AGPS: variants seen among roughly 807,000 people sequenced by gnomAD.
The protein encoded by AGPS is alkylglycerone phosphate synthase.
A neutral mutation model predicts 90.7 loss-of-function variants in AGPS; 26 were observed. The ratio of observed to expected loss-of-function variants is 0.29; its 90% CI spans 0.21 to 0.40. The LOEUF (loss-of-function observed/expected upper bound fraction) is 0.40. AGPS is among the 10% of genes least tolerant of loss of function. The pLI, the probability that AGPS is intolerant of heterozygous loss-of-function variation, is 1.00. For synonymous variants in AGPS, 294 were observed against 285.3 expected (o/e 1.03, Z -0.31); for missense variants, 540 against 816.1 (o/e 0.66, Z 4.12).
chr2:177,539,103 G>A lies in AGPS; in HGVS notation c.*908G>A, dbSNP rs1339476855. 6.6e-6 allele frequency: 1 copy of A among 151,974 alleles called. No individual in the cohort carries two copies. Among genetic ancestry groups the A allele is most frequent in the South Asian group, 2.1e-4 (1 of 4,834 alleles). The allele number at this position is 151,974 out of a possible 1,614,324, so 9.4% of individuals were successfully genotyped here. On this transcript the variant is annotated 3_prime_UTR_variant, in exon 20 of 20. Transcript: ENST00000264167. ...CTTAATGTCTCCAATTGCAAGAATT[G>A]TTTCACTAAAGAAACAGTCATCATT...
In AGPS at chr2:177,533,314, A is replaced by G. The variant is rs994411762; in HGVS notation, c.1856-4760A>G. ...AAACTATTAATATTTCAGCTGTAGCATAGGTTAAACAGATTTGAGAGCTGA... is the reference window on the plus strand; with the variant it reads ...AAACTATTAATATTTCAGCTGTAGCGTAGGTTAAACAGATTTGAGAGCTGA... On this transcript the variant is annotated intron_variant, in intron 19 of 19. Coordinates refer to ENST00000264167, the MANE Select transcript of AGPS (RefSeq NM_003659.4). Among the ~76,000 whole-genome samples the G allele has an allele frequency of 5.3e-5, 8 of 152,210 alleles. No individual in the cohort carries two copies. The East Asian group carries it at 1.5e-3, about 29-fold the overall frequency.
chr2:177,522,486 G>T (rs1689225939), intron 18 of AGPS, among the ~76,000 whole-genome samples: 1 of 152,176 alleles, frequency 6.6e-6, no homozygotes, highest in African/African-American at 2.4e-5. Flanking sequence ...GTCTCACTCT[G>T]TTGCCCAGGC....
chr2:177,535,009 G>C (rs1258614632), intron 19 of AGPS, among the ~76,000 whole-genome samples: 1 of 152,008 alleles, frequency 6.6e-6, no homozygotes, highest in African/African-American at 2.4e-5. Flanking sequence ...GAGAATTATG[G>C]AATGCAAGGT....
At chr2:177,472,585 A>C (rs1687660918) in intron 10 of AGPS, among the ~76,000 whole-genome samples, 1 of 151,622 alleles carries the variant, frequency 6.6e-6, no homozygotes, top group South Asian at 2.1e-4. Context: ...GCGTTTTCTG[A>C]CTTTTGTAGT....
chr2:177,392,852 T>C lies in AGPS; in HGVS notation c.63T>C (p.Ser21=). Residue 21 remains serine, a synonymous_variant, in exon 1 of 20, where the codon TCT becomes TCC. Coordinates refer to ENST00000264167, the MANE Select transcript of AGPS (RefSeq NM_003659.4). ...TGGGCGCGGGCGCGAGCTACGGGTC[T>C]GCAGCGGACCGGGACCGGGACCCGG... is the stretch of plus-strand genomic sequence containing the variant. The part of the protein sequence containing the change: ...TGLGAGASYG[S]AADRDRDPDP... 1 of 1,553,638 alleles carries C rather than the reference T, an allele frequency of 6.4e-7. No individual in the cohort carries two copies. Among genetic ancestry groups the C allele is most frequent in the Non-Finnish European group, 8.7e-7 (1 of 1,153,812 alleles).
intron 19 of AGPS, among the ~76,000 whole-genome samples, chr2:177,528,718 T>C (rs185090908): frequency 1.3e-3 from 202 of 152,326 alleles, no homozygotes; most frequent in Non-Finnish European, 2.0e-3. Flanking sequence ...CTGGCTGCTC[T>C]ACATAGTTCA....
chr2:177,475,309 A>G (rs1687748379), intron 10 of AGPS, among the ~76,000 whole-genome samples: 1 of 152,198 alleles, frequency 6.6e-6, no homozygotes, highest in Non-Finnish European at 1.5e-5. Context: ...TTGGTGAGAA[A>G]GAGTAGGTGT....
chr2:177,470,865 C>T (rs1687597613), intron 10 of AGPS, among the ~76,000 whole-genome samples: 1 of 151,984 alleles, frequency 6.6e-6, no homozygotes, highest in African/African-American at 2.4e-5. Context: ...GATTTCCATC[C>T]TGATTCTACT....
At chr2:177,439,960 C>T (rs772066848) in intron 5 of AGPS, among the ~76,000 whole-genome samples, 3 of 152,038 alleles carry the variant, frequency 2.0e-5, no homozygotes, top group Non-Finnish European at 2.9e-5. Context: ...ATAACTTTTA[C>T]AAGCATAAAG....
chr2:177,440,642 T>A (rs920460568), intron 5 of AGPS, among the ~76,000 whole-genome samples: 1 of 152,130 alleles, frequency 6.6e-6, no homozygotes, highest in South Asian at 2.1e-4. Flanking sequence ...TTGAATAAGG[T>A]CTGTAGATTA....
intron 8 of AGPS, among the ~76,000 whole-genome samples, chr2:177,449,180 T>C (rs970888361): frequency 6.6e-6 from 1 of 152,228 alleles, no homozygotes; most frequent in Non-Finnish European, 1.5e-5. Context: ...TATAGACATA[T>C]ACATTTGTTT....
rs1370528808 is a variant in AGPS, at chr2:177,541,113, A to G, written c.*2918A>G. 2 of 152,146 alleles carry G rather than the reference A, an allele frequency of 1.3e-5. No homozygotes were observed. The highest frequency in any genetic ancestry group is 1.9e-4 in the East Asian group (1 of 5,198). The allele number at this position is 152,146 out of a possible 1,614,324, so 9.4% of individuals were successfully genotyped here. A position where few individuals can be genotyped will look rare whatever the true frequency, so the allele number is the denominator to read the frequency against. On this transcript the variant is annotated 3_prime_UTR_variant, in exon 20 of 20. Coordinates refer to ENST00000264167, the MANE Select transcript of AGPS (RefSeq NM_003659.4). ...TAGTACTATTACTTAAAAGTTATTTATGAAGTTGGGAGCCTTCTAGTTTGC... is the reference window on the plus strand; with the variant it reads ...TAGTACTATTACTTAAAAGTTATTTGTGAAGTTGGGAGCCTTCTAGTTTGC...
intron 18 of AGPS, among the ~76,000 whole-genome samples, chr2:177,522,900 G>A (rs372428451): frequency 1.2e-4 from 18 of 152,226 alleles, no homozygotes; most frequent in South Asian, 1.0e-3. Flanking sequence ...ATTTTACCTC[G>A]TAGCCATTAT....
intron 1 of AGPS, among the ~76,000 whole-genome samples, chr2:177,397,673 G>T (rs78474413): frequency 0.11 from 17,053 of 152,120 alleles, 1,234 homozygotes; most frequent in East Asian, 0.34. Flanking sequence ...GATTAAGAAC[G>T]CCACTAATTG....
At chr2:177,510,321 C>A (rs1688833237) in intron 16 of AGPS, among the ~76,000 whole-genome samples, 1 of 152,096 alleles carries the variant, frequency 6.6e-6, no homozygotes, top group South Asian at 2.1e-4. Context: ...CCTCTCATAT[C>A]TTTTTATAAA....
At chr2:177,466,206 T>A (rs1307310332) in intron 9 of AGPS, among the ~76,000 whole-genome samples, 1 of 152,140 alleles carries the variant, frequency 6.6e-6, no homozygotes, top group Admixed American at 6.5e-5. Flanking sequence ...AAGCAGGGCA[T>A]CCTGATGAGT....
At chr2:177,438,983 T>TACAC (rs1252168755) in intron 5 of AGPS, among the ~76,000 whole-genome samples, 105,300 of 150,044 alleles carry the variant, frequency 0.7, 36,975 homozygotes, top group Admixed American at 0.77. Context: ...ATTCTTGCAA[T>TACAC]ACACACACAC....
At chr2:177,486,163 A>G (rs1001062836) in intron 11 of AGPS, among the ~76,000 whole-genome samples, 1 of 152,242 alleles carries the variant, frequency 6.6e-6, no homozygotes, top group African/African-American at 2.4e-5. Flanking sequence ...ATAATATTCT[A>G]TTCTCGAGCA....
chr2:177,403,355 AG>A (rs763723976), intron 1 of AGPS, among the ~76,000 whole-genome samples: 13 of 152,176 alleles, frequency 8.5e-5, no homozygotes, highest in Non-Finnish European at 1.6e-4. Context: ...CTTAAATCTG[AG>A]GGTGAAAATA....
Sources: allele counts gnomAD v4.1 joint callset (sites outside exome capture counted in the v4.1 genomes callset), GRCh38; gene constraint gnomAD v4.1.1; transcripts MANE v1.5; gene names NCBI Gene and HGNC (gene_info 2026-07-23, HGNC 2026-07-21).